Variants in DAPK1 observed in about 807,000 individuals in gnomAD.
The protein encoded by DAPK1 is death associated protein kinase 1, also known as death-associated protein kinase 1.
DAPK1 carries 56 observed loss-of-function variants against 144.9 expected under a neutral mutation model. The ratio of observed to expected loss-of-function variants is 0.39; its 90% confidence interval spans 0.31 to 0.48. The LOEUF is 0.48. Ranked by LOEUF, DAPK1 falls within the 20% of genes least tolerant of loss-of-function variation. The probability of loss-of-function intolerance (pLI) is 0.95; values close to 1 mark genes in which losing one functional copy is unlikely to be tolerated. For missense variants in DAPK1, 1,454 were observed against 1,875.4 expected (o/e 0.78, Z 4.15); for synonymous variants, 690 against 749.0 (o/e 0.92, Z 1.29).
chr9:87,653,312 A>G (rs1171804435), intron 17 of DAPK1, among the ~76,000 whole-genome samples: 1 of 152,212 alleles, frequency 6.6e-6, no homozygotes. Flanking sequence ...ATTTTGGCCA[A>G]GTTTCTATTT....
rs150363855 is a variant in DAPK1 at position 87,651,473 on chromosome 9, G to A, written c.1627-54G>A. On this transcript the variant is annotated intron_variant, in intron 16 of 25. Transcript: ENST00000408954. ...ATGGCGGCAGAAAAGGTGAAGAGACGGAGGCCACATGCCCAAGTGAAAAGC... is the reference window on the plus strand; with the variant it reads ...ATGGCGGCAGAAAAGGTGAAGAGACAGAGGCCACATGCCCAAGTGAAAAGC... 4.1e-4 allele frequency: 643 copies of A among 1,565,416 alleles called. 2 individuals carry two copies. The African/African-American group carries it at 7.4e-3, about 18-fold the overall frequency.
chr9:87,566,211 T>C (rs1233247849), intron 2 of DAPK1, among the ~76,000 whole-genome samples: 1 of 151,936 alleles, frequency 6.6e-6, no homozygotes, highest in Non-Finnish European at 1.5e-5. Flanking sequence ...TTAGTAGAGA[T>C]GGGGTTTCAC....
chr9:87,605,343 G>A (rs1213456089), intron 3 of DAPK1, among the ~76,000 whole-genome samples, 168 bp downstream of exon 3: 1 of 152,178 alleles, frequency 6.6e-6, no homozygotes, highest in Non-Finnish European at 1.5e-5. Flanking sequence ...AAACCCAGCT[G>A]CAGGGATCTA....
chr9:87,675,895 A>ACACACACACACACACACACACACACC (rs1179826339), intron 19 of DAPK1, among the ~76,000 whole-genome samples: 4 of 132,808 alleles, frequency 3.0e-5, no homozygotes, highest in African/African-American at 1.2e-4. Context: ...ACACACACAC[A>ACACACACACACACACACACACACACC]CCCTTATGAC....
chr9:87,545,794 C>T (rs1826230509), intron 2 of DAPK1, among the ~76,000 whole-genome samples: 1 of 151,998 alleles, frequency 6.6e-6, no homozygotes, highest in South Asian at 2.1e-4. Flanking sequence ...ATCCACCCGC[C>T]TCAGCCTCCC....
intron 2 of DAPK1, among the ~76,000 whole-genome samples, chr9:87,575,272 A>AAAATAAAAT (rs1554685183): frequency 2.2e-5 from 3 of 137,908 alleles, no homozygotes; most frequent in Non-Finnish European, 3.1e-5. Context: ...AAAATAAAAT[A>AAAATAAAAT]AAGGTAAAAG....
chr9:87,515,268 A>G (rs776422064), intron 2 of DAPK1, among the ~76,000 whole-genome samples: 2 of 152,326 alleles, frequency 1.3e-5, no homozygotes, highest in South Asian at 4.1e-4. Flanking sequence ...AGCCACAGAC[A>G]TTATGTGTCC....
chr9:87,518,139 T>G (rs1259731690), intron 2 of DAPK1, among the ~76,000 whole-genome samples: 2 of 143,136 alleles, frequency 1.4e-5, no homozygotes, highest in Non-Finnish European at 1.5e-5. Context: ...TGAGATGGAG[T>G]CTGGCTCTAT....
chr9:87,500,628 T>G (rs151000412), intron 2 of DAPK1, among the ~76,000 whole-genome samples: 6 of 152,192 alleles, frequency 3.9e-5, no homozygotes, highest in Non-Finnish European at 8.8e-5. Flanking sequence ...TCATTATGAT[T>G]TTTTGGTACC....
At chr9:87,594,582 C>G (rs886562921) in intron 2 of DAPK1, among the ~76,000 whole-genome samples, 2 of 152,220 alleles carry the variant, frequency 1.3e-5, no homozygotes, top group Non-Finnish European at 2.9e-5. Flanking sequence ...TCTAAGGAGT[C>G]TGCCAGGCTC....
intron 3 of DAPK1, among the ~76,000 whole-genome samples, chr9:87,625,153 C>CTTTGTTTGTTTGTT (rs200132375): frequency 0.035 from 5,362 of 152,002 alleles, 176 homozygotes; most frequent in East Asian, 0.12. Context: ...CTCACAGAAA[C>CTTTGTTTGTTTGTT]AGTTTGTTAA....
At chr9:87,616,663 G>A (rs1221931579) in intron 3 of DAPK1, among the ~76,000 whole-genome samples, 1 of 152,146 alleles carries the variant, frequency 6.6e-6, no homozygotes, top group Non-Finnish European at 1.5e-5. Context: ...ATAAGTGATG[G>A]GGAAGCACCC....
At chr9:87,630,736 C>T (rs1170142068) in intron 3 of DAPK1, among the ~76,000 whole-genome samples, 2 of 152,188 alleles carry the variant, frequency 1.3e-5, no homozygotes, top group African/African-American at 4.8e-5. Flanking sequence ...CACATCTGCA[C>T]ACAGATCGGA....
intron 25 of DAPK1, among the ~76,000 whole-genome samples, chr9:87,704,832 C>T (rs779901518): frequency 6.6e-6 from 1 of 152,140 alleles, no homozygotes; most frequent in African/African-American, 2.4e-5. Context: ...GTGTGGTCAC[C>T]GGTGGGGTCA....
At chr9:87,633,578 C>T (rs1829787583) in intron 3 of DAPK1, among the ~76,000 whole-genome samples, 2 of 152,162 alleles carry the variant, frequency 1.3e-5, no homozygotes, top group South Asian at 2.1e-4. Context: ...TGCTCTCCTT[C>T]TCCCAGTCTT....
In DAPK1 at chr9:87,636,953, G is replaced by C. The variant is rs36210672; in HGVS notation, c.285-990G>C. On this transcript the variant is annotated intron_variant, in intron 3 of 25. Transcript: ENST00000408954. Reference sequence around the variant, plus strand: ...GCATGCTGTGTGCCTGGCTCTGGCGGGGAGTGGGGCATACAGCAGTAGCCA... The same window carrying C: ...GCATGCTGTGTGCCTGGCTCTGGCGCGGAGTGGGGCATACAGCAGTAGCCA... 8.1e-3 allele frequency among the ~76,000 whole-genome samples: 1,229 copies of C among 152,270 alleles called. 12 individuals carry two copies. Among genetic ancestry groups the C allele is most frequent in the Middle Eastern group, 0.02 (6 of 294 alleles).
chr9:87,522,369 G>T (rs957594748), intron 2 of DAPK1, among the ~76,000 whole-genome samples: 28 of 152,184 alleles, frequency 1.8e-4, no homozygotes, highest in African/African-American at 5.3e-4. Flanking sequence ...GTGTATTTAA[G>T]ACAATAAACA....
Position 87,686,969 on chromosome 9 carries a change from G to C in DAPK1, c.2413+230G>C. 1 of 315,954 alleles carries C rather than the reference G, an allele frequency of 3.2e-6. No homozygotes were observed. Among genetic ancestry groups the C allele is most frequent in the Non-Finnish European group, 4.6e-6 (1 of 218,032 alleles). 19.6% of individuals were successfully genotyped at this position (315,954 alleles called of 1,614,324 possible). On this transcript the variant is annotated intron_variant, in intron 21 of 25. Transcript: ENST00000408954. This position sits in a 1 kb window ranked among gnomAD's most constrained non-coding sequence, Gnocchi z 4.2. ...CGCCTAGTAAAGCACTTGGCATACA[G>C]TAAGTGCTTGATAAATGACTGTGGA... is the stretch of plus-strand genomic sequence containing the variant.
chr9:87,686,304 C>A lies in DAPK1; in HGVS notation c.2225-247C>A, dbSNP rs1824848527. ...CAGCCTAGAGACACAATCCCTAGGA[C>A]CAGCCACCCGGGCAACAGGGCGGGG... On this transcript the variant is annotated intron_variant, in intron 20 of 25. Coordinates refer to ENST00000408954, the MANE Select transcript of DAPK1 (RefSeq NM_004938.4). This position sits in a 1 kb window ranked among gnomAD's most constrained non-coding sequence, Gnocchi z 4.2. Among the ~76,000 whole-genome samples, 1 of 152,138 alleles carries A rather than the reference C, an allele frequency of 6.6e-6. No individual in the cohort carries two copies. The highest frequency in any genetic ancestry group is 6.5e-5 in the Admixed American group (1 of 15,282).
Sources: allele counts gnomAD v4.1 joint callset (sites outside exome capture counted in the v4.1 genomes callset), GRCh38; gene constraint gnomAD v4.1.1; non-coding constraint Gnocchi (gnomAD v3.1); transcripts MANE v1.5; gene names NCBI Gene and HGNC (gene_info 2026-07-23, HGNC 2026-07-21).